Variants in NPAT observed in about 807,000 individuals in gnomAD.
The protein encoded by NPAT is protein NPAT.
A neutral mutation model predicts 130.7 loss-of-function variants in NPAT; 52 were observed. That is an observed-to-expected ratio of 0.40 (90% CI 0.32 to 0.50). The LOEUF is 0.50. Ranked by LOEUF, NPAT falls within the 20% of genes least tolerant of loss-of-function variation. The probability of loss-of-function intolerance (pLI) is 0.68; values close to 1 mark genes in which losing one functional copy is unlikely to be tolerated. For missense variants in NPAT, 1,687 were observed against 1,662.6 expected, an observed-to-expected ratio of 1.01 and a Z score of -0.26; for synonymous variants, 580 against 584.8, an observed-to-expected ratio of 0.99 and a Z score of 0.12.
At chr11:108,214,205 A>T (rs538837291) in intron 1 of NPAT, among the ~76,000 whole-genome samples, 1 of 152,310 alleles carries the variant, frequency 6.6e-6, no homozygotes, top group Non-Finnish European at 1.5e-5. Flanking sequence ...TGCATTTTTC[A>T]TAACAGTGTC....
At chr11:108,213,064 G>A (rs1418658418) in intron 1 of NPAT, among the ~76,000 whole-genome samples, 3 of 151,006 alleles carry the variant, frequency 2.0e-5, no homozygotes, top group South Asian at 2.1e-4. Flanking sequence ...ACCTGAGGTC[G>A]GGAGTTCGAG....
chr11:108,170,791 C>T (rs1021015105), intron 13 of NPAT, among the ~76,000 whole-genome samples: 5 of 152,174 alleles, frequency 3.3e-5, no homozygotes, highest in Admixed American at 1.3e-4. Context: ...CCAAATCCTA[C>T]CTTCATTCTT....
chr11:108,211,954 G>GCAAAA (rs1205914370), intron 1 of NPAT, among the ~76,000 whole-genome samples: 8 of 150,246 alleles, frequency 5.3e-5, no homozygotes, highest in South Asian at 2.1e-4. Flanking sequence ...TGTTTCAAAA[G>GCAAAA]CAAAACAAAA....
At chr11:108,206,458 C>T (rs978495825) in intron 1 of NPAT, among the ~76,000 whole-genome samples, 3 of 152,100 alleles carry the variant, frequency 2.0e-5, no homozygotes, top group South Asian at 2.1e-4. Context: ...TGCAGTAGGG[C>T]GGGCATATCC....
intron 3 of NPAT, among the ~76,000 whole-genome samples, chr11:108,192,954 C>CAA (rs796134451): frequency 2.2e-5 from 3 of 134,348 alleles, no homozygotes; most frequent in Admixed American, 7.6e-5. Context: ...ACTCCCGTCT[C>CAA]AAAAAAAAAA....
rs149625531 is a variant in NPAT, at chr11:108,200,222, G to C, written c.38-2802C>G. On this transcript the variant is annotated intron_variant, in intron 1 of 17. Transcript: ENST00000278612. ...GACTACAGGGAGCTTTGCTATGTAA[G>C]AGACTGATTTTTTTCCCTCTTGGGA... 2.2e-3 allele frequency among the ~76,000 whole-genome samples: 328 copies of C among 152,354 alleles called. 1 individual carries two copies. The highest frequency in any genetic ancestry group is 7.7e-3 in the African/African-American group (322 of 41,578).
At chr11:108,202,893 T>C (rs1298896041) in intron 1 of NPAT, among the ~76,000 whole-genome samples, 2 of 152,134 alleles carry the variant, frequency 1.3e-5, no homozygotes, top group African/African-American at 2.4e-5. Context: ...TAATTAATGA[T>C]GTAATTATTC....
At chr11:108,188,570 AT>A (rs1400266634) in intron 6 of NPAT, among the ~76,000 whole-genome samples, 1 of 152,226 alleles carries the variant, frequency 6.6e-6, no homozygotes, top group Non-Finnish European at 1.5e-5. Flanking sequence ...TAACTCCTGA[AT>A]TCTAATCCCA....
chr11:108,194,876 T>G (rs928363315), intron 2 of NPAT, among the ~76,000 whole-genome samples: 2 of 147,940 alleles, frequency 1.4e-5, no homozygotes, highest in African/African-American at 5.0e-5. Context: ...CAGGCTGGAG[T>G]GCAGTGGCAC....
chr11:108,185,700 CTT>C (rs2134856772), intron 8 of NPAT, among the ~76,000 whole-genome samples: 1 of 152,316 alleles, frequency 6.6e-6, no homozygotes, highest in East Asian at 1.9e-4. Context: ...TTCACCAACT[CTT>C]TCTTATACAG....
At chr11:108,163,398 T>C (rs1456651425) in intron 15 of NPAT, among the ~76,000 whole-genome samples, 2 of 152,028 alleles carry the variant, frequency 1.3e-5, no homozygotes, top group Non-Finnish European at 2.9e-5. Context: ...GGGTGTTAAA[T>C]AGGGAAGATG....
intron 2 of NPAT, among the ~76,000 whole-genome samples, chr11:108,195,031 C>G (rs1362667309): frequency 6.6e-6 from 1 of 151,866 alleles, no homozygotes; most frequent in Non-Finnish European, 1.5e-5. Flanking sequence ...ACTATCTTGG[C>G]CAGGATGGTC....
chr11:108,222,041 G>C (rs569690114), intron 1 of NPAT, among the ~76,000 whole-genome samples: 1 of 152,244 alleles, frequency 6.6e-6, no homozygotes, highest in East Asian at 1.9e-4. Context: ...AGTTATAAGG[G>C]CGGGTTATTA....
intron 1 of NPAT, among the ~76,000 whole-genome samples, chr11:108,218,303 A>T (rs781186886): frequency 1.3e-5 from 2 of 152,172 alleles, no homozygotes; most frequent in Non-Finnish European, 2.9e-5. Flanking sequence ...AAAGAGAAGA[A>T]AGGATAAGAT....
Position 108,159,031 on chromosome 11 carries a change from GAGAA to G in NPAT, c.4207-16_4207-13del, listed in dbSNP as rs751668316. 6.3e-6 allele frequency: 10 copies of G among 1,584,916 alleles called. No individual in the cohort carries two copies. In the East Asian group the frequency reaches 1.3e-4, roughly 21 times the overall value. On this transcript the variant is annotated splice_polypyrimidine_tract_variant and intron_variant, in intron 17 of 17. Transcript: ENST00000278612. ...GGAAGCTTCTTTTTCTGTTGAAAAAGAGAAAGAAAAAATAAACTCAAAACAAGGC... is the reference window on the plus strand; with the variant it reads ...GGAAGCTTCTTTTTCTGTTGAAAAAGAGAAAAAATAAACTCAAAACAAGGC...
chr11:108,173,018 A>G lies in NPAT; in HGVS notation c.1966T>C (p.Ser656Pro), dbSNP rs748128596. 1.2e-6 allele frequency: 2 copies of G among 1,613,762 alleles called. No individual in the cohort carries two copies. The highest frequency in any genetic ancestry group is 4.5e-5 in the East Asian group (2 of 44,884). The change falls in exon 13 of 18, where the codon TCT becomes CCT. Residue 656 changes from serine to proline, a missense_variant. Ser to Pro is a moderately conservative substitution (Grantham distance 74). Coordinates refer to ENST00000278612, the MANE Select transcript of NPAT (RefSeq NM_002519.3). Reference protein sequence around the residue: ...HTENEAQASKSENSQEPSSSV... With the variant: ...HTENEAQASKPENSQEPSSSV... The stretch of plus-strand genomic sequence containing the variant: ...GATGAAGGCTCCTGTGAATTCTCAG[A>G]CTTGGATGCCTGAGCTTCATTTTCT...
intron 1 of NPAT, among the ~76,000 whole-genome samples, chr11:108,210,217 T>C (rs1221011965): frequency 2.0e-5 from 3 of 152,026 alleles, no homozygotes; most frequent in Admixed American, 6.6e-5. Context: ...AGAATCTAGA[T>C]GAAATGAGTA....
Position 108,176,314 on chromosome 11 carries a change from T to A in NPAT, c.1064A>T (p.Asn355Ile). The A allele has an allele frequency of 6.4e-7, 1 of 1,572,824 alleles. No individual in the cohort carries two copies. The highest frequency in any genetic ancestry group is 8.8e-7 in the Non-Finnish European group (1 of 1,142,636). ...TTCATCTGCTAAGACTATACTGGGA[T>A]TGGATTCCATAGGTTGACTGGAAAT... ...QSISSQPMESNPSIVLADETN... is the reference protein window; with the variant it reads ...QSISSQPMESIPSIVLADETN... The change falls in exon 12 of 18, where the codon AAT becomes ATT. Residue 355 changes from asparagine to isoleucine, a missense_variant. Transcript: ENST00000278612.
chr11:108,189,441 T>C (rs1413519512), intron 5 of NPAT, 111 bp from the exon 6 acceptor site: 9 of 865,456 alleles, frequency 1.0e-5, no homozygotes, highest in Non-Finnish European at 1.6e-5. Context: ...ATCCACAGAT[T>C]GAAGAATGAT....
Sources: allele counts gnomAD v4.1 joint callset (sites outside exome capture counted in the v4.1 genomes callset), GRCh38; gene constraint gnomAD v4.1.1; transcripts MANE v1.5; gene names NCBI Gene and HGNC (gene_info 2026-07-23, HGNC 2026-07-21).